Variants in MAK observed in about 807,000 individuals in gnomAD.
The protein encoded by MAK is male germ cell associated kinase, also known as serine/threonine-protein kinase MAK.
Under a neutral mutation model 82.6 loss-of-function variants are expected in MAK, and 65 were observed. The ratio of observed to expected loss-of-function variants is 0.79; its 90% CI spans 0.64 to 0.97. The LOEUF (loss-of-function observed/expected upper bound fraction) is 0.97, where lower values mean the gene tolerates loss of function less well. MAK is among the 50% of genes least tolerant of loss of function. MAK has a pLI of 0.00. For missense variants in MAK, 703 were observed against 780.2 expected (o/e 0.90, Z 1.18); for synonymous variants, 250 against 274.2 (o/e 0.91, Z 0.87).
intron 11 of MAK, among the ~76,000 whole-genome samples, chr6:10,778,710 G>A (rs1218100186): frequency 2.6e-5 from 4 of 152,082 alleles, no homozygotes; most frequent in Non-Finnish European, 4.4e-5. Context: ...TTTGTGTGCC[G>A]TGTTAAGAAA....
Position 10,787,454 on chromosome 6 carries a change from G to C in MAK, c.1317-2882C>G, listed in dbSNP as rs553019625. ...TTTACTGAAGTATGAAAATTATAAAGTTTAGGCAGGAGCTTAACAGATGGT... is the reference window on the plus strand; with the variant it reads ...TTTACTGAAGTATGAAAATTATAAACTTTAGGCAGGAGCTTAACAGATGGT... On this transcript the variant is annotated intron_variant, in intron 10 of 14. Coordinates refer to ENST00000354489, the MANE Select transcript of MAK (RefSeq NM_001242957.3). Among the ~76,000 whole-genome samples, 3 of 152,270 alleles carry C rather than the reference G, an allele frequency of 2.0e-5. No individual in the cohort carries two copies. The East Asian group carries it at 5.8e-4, about 29-fold the overall frequency.
intron 10 of MAK, among the ~76,000 whole-genome samples, chr6:10,789,752 G>A (rs569524294): frequency 6.6e-6 from 1 of 152,234 alleles, no homozygotes; most frequent in Non-Finnish European, 1.5e-5. Flanking sequence ...CTGCCTCCTG[G>A]GTTCAAGTTT....
rs564270500 is a variant in MAK at position 10,831,611 on chromosome 6, G to C, written c.-229-734C>G. On this transcript the variant is annotated intron_variant, in intron 1 of 14. Coordinates refer to ENST00000354489, the MANE Select transcript of MAK (RefSeq NM_001242957.3). Reference sequence around the variant, plus strand: ...AAAAACTAAAAAACTAGCTGGACTTGATGGCACGCTTGTAGTCCCAGCTAC... The same window carrying C: ...AAAAACTAAAAAACTAGCTGGACTTCATGGCACGCTTGTAGTCCCAGCTAC... Among the ~76,000 whole-genome samples the C allele has an allele frequency of 5.3e-4, 80 of 152,190 alleles. 1 individual carries two copies. The highest frequency in any genetic ancestry group is 1.8e-3 in the African/African-American group (76 of 41,528).
Position 10,822,001 on chromosome 6 carries a change from G to A in MAK, c.102-3061C>T, listed in dbSNP as rs1204361421. On this transcript the variant is annotated intron_variant, in intron 2 of 14. Transcript: ENST00000354489. ...TCTCTACTGAAAATACAAAAAATTA[G>A]CCAGGCGTGGTGGCGGGCGCCTGTA... 2.7e-5 allele frequency among the ~76,000 whole-genome samples: 4 copies of A among 150,520 alleles called. No individual in the cohort carries two copies. In the South Asian group the frequency reaches 8.5e-4, roughly 32 times the overall value.
chr6:10,809,361 G>A (rs9379796), intron 5 of MAK, among the ~76,000 whole-genome samples: 24,592 of 152,134 alleles, frequency 0.16, 1,937 homozygotes, highest in Middle Eastern at 0.2. Flanking sequence ...CGTGTGAGAA[G>A]TGTTTTTGTT....
chr6:10,799,648 C>T (rs1364474654), intron 8 of MAK, among the ~76,000 whole-genome samples: 1 of 152,020 alleles, frequency 6.6e-6, no homozygotes, highest in African/African-American at 2.4e-5. Flanking sequence ...TACACTTAAA[C>T]GGCTGGGCAC....
chr6:10,837,144 T>C (rs1562015375), intron 1 of MAK, among the ~76,000 whole-genome samples: 1 of 152,186 alleles, frequency 6.6e-6, no homozygotes, highest in African/African-American at 2.4e-5. Flanking sequence ...CTAGAACATA[T>C]TATGTCACTC....
At chr6:10,774,450 T>G (rs183041437) in intron 12 of MAK, among the ~76,000 whole-genome samples, 90 of 152,282 alleles carry the variant, frequency 5.9e-4, no homozygotes, top group Non-Finnish European at 1.1e-3. Flanking sequence ...TTTCTCTCTC[T>G]TTTCTTTTTT....
At chr6:10,765,526 C>A (rs906899075) in intron 14 of MAK, among the ~76,000 whole-genome samples, 1 of 146,942 alleles carries the variant, frequency 6.8e-6, no homozygotes, top group Non-Finnish European at 1.5e-5. Flanking sequence ...ATGGTGCGAT[C>A]TCGGCTCACT....
At chr6:10,819,173 TG>T in intron 2 of MAK, among the ~76,000 whole-genome samples, 1 of 152,368 alleles carries the variant, frequency 6.6e-6, no homozygotes, top group Non-Finnish European at 1.5e-5. Flanking sequence ...TCTTCTTTTC[TG>T]GGTGAGTTCT....
chr6:10,830,687 G>A lies in MAK; in HGVS notation c.-39C>T, dbSNP rs1396078228. On this transcript the variant is annotated 5_prime_UTR_variant, in exon 2 of 15. Coordinates refer to ENST00000354489, the MANE Select transcript of MAK (RefSeq NM_001242957.3). ...TGCAGCAGAAGTTGTTGATTGAAATGACTTCCTTGTTGAATATAAATTTGA... is the reference window on the plus strand; with the variant it reads ...TGCAGCAGAAGTTGTTGATTGAAATAACTTCCTTGTTGAATATAAATTTGA... 1 of 1,450,568 alleles carries A rather than the reference G, an allele frequency of 6.9e-7. No individual in the cohort carries two copies. The highest frequency in any genetic ancestry group is 1.1e-5 in the South Asian group (1 of 87,840). The allele number at this position is 1,450,568 out of a possible 1,614,324, so 89.9% of individuals were successfully genotyped here.
intron 11 of MAK, chr6:10,779,606 A>C (rs755000116): frequency 4.6e-6 from 1 of 219,662 alleles, no homozygotes; most frequent in Non-Finnish European, 7.7e-6. Context: ...AAAAGATATT[A>C]GTATTTTTTA....
intron 14 of MAK, among the ~76,000 whole-genome samples, chr6:10,768,721 T>C (rs1222842557): frequency 6.6e-6 from 1 of 152,236 alleles, no homozygotes; most frequent in Non-Finnish European, 1.5e-5. Flanking sequence ...AGCAATTCTT[T>C]TCACAGATAA....
chr6:10,830,607 C>T lies in MAK; in HGVS notation c.42G>A (p.Thr14=), dbSNP rs770432926. 13 of 1,614,146 alleles carry T rather than the reference C, an allele frequency of 8.1e-6. No individual in the cohort carries two copies. Among genetic ancestry groups the T allele is most frequent in the Admixed American group, 3.3e-5 (2 of 60,026 alleles). ...YTTMRQLGDG[T]YGSVLMGKSN... ...TCTTGCCCATAAGCACACTCCCATA[C>T]GTGCCGTCCCCCAACTGTCTCATGG... The change falls in exon 2 of 15, where the codon ACG becomes ACA. Residue 14 remains threonine, a synonymous_variant. Coordinates refer to ENST00000354489, the MANE Select transcript of MAK (RefSeq NM_001242957.3).
At chr6:10,815,911 AG>A (rs1777433851) in intron 4 of MAK, among the ~76,000 whole-genome samples, 2 of 78,190 alleles carry the variant, frequency 2.6e-5, no homozygotes, top group African/African-American at 7.1e-5. Flanking sequence ...AGCTTTATAC[AG>A]TATATATATA....
rs767172193 is a variant in MAK at position 10,801,925 on chromosome 6, A to G, written c.798T>C (p.Asn266=). 7 of 1,614,190 alleles carry G rather than the reference A, an allele frequency of 4.3e-6. No individual in the cohort carries two copies. Among genetic ancestry groups the G allele is most frequent in the South Asian group, 1.1e-5 (1 of 91,084 alleles). ...EAIQLMTEML[N]WDPKKRPTAS... Reference sequence around the variant, plus strand: ...CTGTCGGTCGTTTCTTTGGATCCCAATTCAACATTTCGGTCATGAGCTGAA... The same window carrying G: ...CTGTCGGTCGTTTCTTTGGATCCCAGTTCAACATTTCGGTCATGAGCTGAA... The change falls in exon 8 of 15, where the codon AAT becomes AAC. Residue 266 remains asparagine, a synonymous_variant. Transcript: ENST00000354489.
chr6:10,769,725 G>A (rs1772819201), intron 14 of MAK, among the ~76,000 whole-genome samples: 1 of 152,202 alleles, frequency 6.6e-6, no homozygotes, highest in African/African-American at 2.4e-5. Context: ...TTTGGAAGTG[G>A]ATTAAGTTGG....
chr6:10,825,908 G>A (rs1219989164), intron 2 of MAK, among the ~76,000 whole-genome samples: 1 of 152,150 alleles, frequency 6.6e-6, no homozygotes, highest in Non-Finnish European at 1.5e-5. Flanking sequence ...CAAGATGACT[G>A]TATTGACCTT....
Position 10,801,904 on chromosome 6 carries a change from C to G in MAK, c.819G>C (p.Pro273=). 6.2e-7 allele frequency: 1 copy of G among 1,614,050 alleles called. No homozygotes were observed. Among genetic ancestry groups the G allele is most frequent in the East Asian group, 2.2e-5 (1 of 44,872 alleles). ...AGACTCCTCTTACCTGGCTTGCTGT[C>G]GGTCGTTTCTTTGGATCCCAATTCA... is the stretch of plus-strand genomic sequence containing the variant. ...EMLNWDPKKR[P]TASQALKHPY... is the part of the protein sequence containing the mutation. The change falls in exon 8 of 15, where the codon CCG becomes CCC. Residue 273 remains proline (P), a synonymous_variant. Transcript: ENST00000354489.
Sources: allele counts gnomAD v4.1 joint callset (sites outside exome capture counted in the v4.1 genomes callset), GRCh38; gene constraint gnomAD v4.1.1; transcripts MANE v1.5; gene names NCBI Gene and HGNC (gene_info 2026-07-23, HGNC 2026-07-21).